The following UBR2 variants were observed in gnomAD, a reference collection of about 807,000 sequenced individuals.
UBR2 encodes E3 ubiquitin-protein ligase UBR2.
In UBR2, 92 loss-of-function variants were observed where a neutral mutation model predicts 247.9. That is an observed-to-expected ratio of 0.37 (90% confidence interval 0.31 to 0.44). The LOEUF (loss-of-function observed/expected upper bound fraction) is 0.44. Among genes scored for constraint, UBR2 ranks in the 20% least tolerant of loss-of-function variants. UBR2 has a pLI of 1.00. For synonymous variants in UBR2, 672 were observed against 693.5 expected (o/e 0.97, Z 0.49); for missense variants, 1,613 against 2,112.6 (o/e 0.76, Z 4.64).
At chr6:42,590,451 A>G (rs777314204) in intron 2 of UBR2, among the ~76,000 whole-genome samples, 9 of 152,234 alleles carry the variant, frequency 5.9e-5, no homozygotes, top group Non-Finnish European at 1.2e-4. Context: ...TTAAACATCC[A>G]CAAGTATTGT....
Position 42,679,778 on chromosome 6 carries a change from A to G in UBR2, c.4664A>G (p.Asn1555Ser). The change falls in exon 42 of 47, where the codon AAC becomes AGC. Residue 1555 changes from asparagine (N) to serine (S), a missense_variant. Asn to Ser is a conservative substitution (Grantham distance 46). Around this residue, in one of 3 missense-constraint regions of UBR2, gnomAD observed 1,524 missense variants for 1,967.3 expected, o/e 0.77. Transcript: ENST00000372901. ...TGTAGCTATCTTTCCCTACCAAACA[A>G]CCTCATTTGCCTTTTTCAAGAAAAT... ...HLCSYLSLPN[N>S]LICLFQENSE... is the part of the protein sequence containing the mutation. 6.2e-7 allele frequency: 1 copy of G among 1,613,598 alleles called. No homozygotes were observed. Among genetic ancestry groups the G allele is most frequent in the Non-Finnish European group, 8.5e-7 (1 of 1,179,854 alleles).
At chr6:42,599,324 T>C (rs942575781) in intron 4 of UBR2, among the ~76,000 whole-genome samples, 4 of 152,064 alleles carry the variant, frequency 2.6e-5, no homozygotes, top group African/African-American at 9.7e-5. Context: ...AATAATTGAG[T>C]TTTAGGCTGA....
chr6:42,630,410 T>C (rs1351035306), intron 11 of UBR2, among the ~76,000 whole-genome samples: 1 of 152,010 alleles, frequency 6.6e-6, no homozygotes. Context: ...AGTCTCGAAC[T>C]CCTGACCTTA....
At chr6:42,685,391 TGGAATG>T (rs1205224906) in intron 44 of UBR2, among the ~76,000 whole-genome samples, 2 of 141,054 alleles carry the variant, frequency 1.4e-5, no homozygotes, top group Non-Finnish European at 3.2e-5. Context: ...GAATAAGACA[TGGAATG>T]GGAGTAGGAG....
intron 2 of UBR2, among the ~76,000 whole-genome samples, chr6:42,576,439 T>C (rs1334937242): frequency 1.3e-5 from 2 of 152,048 alleles, no homozygotes; most frequent in Non-Finnish European, 2.9e-5. Flanking sequence ...CTGCTGCTGC[T>C]GCTGCCCAAC....
At chr6:42,607,885 C>G (rs1793816462) in intron 7 of UBR2, among the ~76,000 whole-genome samples, 1 of 151,922 alleles carries the variant, frequency 6.6e-6, no homozygotes, top group Non-Finnish European at 1.5e-5. Context: ...CATTATGTAA[C>G]AAGATACATA....
chr6:42,662,089 C>CT, intron 30 of UBR2, 95 bp from the exon 31 acceptor site: 1 of 761,520 alleles, frequency 1.3e-6, no homozygotes, highest in South Asian at 1.9e-5. Context: ...AATTTCAAGT[C>CT]TTTATCAAGG....
intron 33 of UBR2, 33 bp downstream of exon 33, chr6:42,665,545 T>C: frequency 6.6e-7 from 1 of 1,513,996 alleles, no homozygotes; most frequent in South Asian, 1.2e-5. Flanking sequence ...CATTTTTCCC[T>C]AAAGTCCGAG....
At chr6:42,570,168 C>A (rs908072042) in intron 1 of UBR2, among the ~76,000 whole-genome samples, 4 of 152,190 alleles carry the variant, frequency 2.6e-5, no homozygotes, top group African/African-American at 9.7e-5. Context: ...TATGTTTAAT[C>A]AGCTTAAAGT....
chr6:42,643,177 C>T (rs1008661872), intron 18 of UBR2, among the ~76,000 whole-genome samples: 5 of 152,166 alleles, frequency 3.3e-5, no homozygotes, highest in African/African-American at 9.7e-5. Context: ...CTTCAGCACC[C>T]TACCCCCACC....
rs1262225020 is a variant in UBR2, at chr6:42,692,549, CCTGT to C, written c.*1379_*1382del. 1 of 152,152 alleles carries C rather than the reference CCTGT, an allele frequency of 6.6e-6. No individual in the cohort carries two copies. Among genetic ancestry groups the C allele is most frequent in the Non-Finnish European group, 1.5e-5 (1 of 68,016 alleles). The allele number at this position is 152,152 out of a possible 1,614,324, so 9.4% of individuals were successfully genotyped here. The stretch of plus-strand genomic sequence containing the variant: ...ACTTAGTAGAGGAATAAATTCTGAG[CCTGT>C]CTAAGGTGGGGCTAAGGAACAGATG... On this transcript the variant is annotated 3_prime_UTR_variant, in exon 47 of 47. Coordinates refer to ENST00000372901, the MANE Select transcript of UBR2 (RefSeq NM_001363705.2).
At chr6:42,684,751 C>T (rs745678864) in intron 43 of UBR2, 43 bp from the exon 44 acceptor site, 5 of 1,493,086 alleles carry the variant, frequency 3.3e-6, no homozygotes, top group East Asian at 4.6e-5. Flanking sequence ...TATAATATGA[C>T]CTAAATTAAT....
chr6:42,615,887 G>A (rs9381203), intron 9 of UBR2, 115 bp from the exon 10 acceptor site: 203,256 of 744,440 alleles, frequency 0.27, 29,247 homozygotes, highest in East Asian at 0.45. Flanking sequence ...GCAAGACACT[G>A]TCTCAAAAGT....
chr6:42,612,651 C>T (rs1482659037), intron 8 of UBR2, among the ~76,000 whole-genome samples: 1 of 152,070 alleles, frequency 6.6e-6, no homozygotes, highest in African/African-American at 2.4e-5. Context: ...ACTGAGTAAG[C>T]TGGAAAAATG....
chr6:42,571,736 C>CAAA (rs55993422), intron 1 of UBR2, among the ~76,000 whole-genome samples: 5 of 82,126 alleles, frequency 6.1e-5, no homozygotes, highest in Non-Finnish European at 7.2e-5. Context: ...GCACGAGACT[C>CAAA]AAAAAAAAAA....
chr6:42,593,618 C>T (rs1792798643), intron 3 of UBR2, among the ~76,000 whole-genome samples: 1 of 152,070 alleles, frequency 6.6e-6, no homozygotes, highest in Admixed American at 6.6e-5. Context: ...TGAATAATTC[C>T]TGAACATTGC....
At chr6:42,646,816 T>G (rs201664520) in intron 21 of UBR2, among the ~76,000 whole-genome samples, 19,244 of 148,624 alleles carry the variant, frequency 0.13, 1,444 homozygotes, top group African/African-American at 0.2. Context: ...TTTATATATA[T>G]ATATAGAGAG....
chr6:42,631,181 A>G (rs928670790), intron 11 of UBR2, among the ~76,000 whole-genome samples: 2 of 152,082 alleles, frequency 1.3e-5, no homozygotes, highest in African/African-American at 4.8e-5. Context: ...TTAAGTTGTC[A>G]CCCAGCATCA....
At chr6:42,582,833 C>T (rs1582449496) in intron 2 of UBR2, among the ~76,000 whole-genome samples, 1 of 151,490 alleles carries the variant, frequency 6.6e-6, no homozygotes, top group South Asian at 2.1e-4. Flanking sequence ...TTAATGATAT[C>T]TCATTATAGT....
Sources: gnomAD v4.1 joint callset for allele counts (sites outside exome capture counted in the v4.1 genomes callset) on GRCh38, gnomAD v4.1.1 for gene constraint, gnomAD v4.1.1 regional missense constraint, MANE v1.5 for transcripts, NCBI Gene and HGNC (gene_info 2026-07-23, HGNC 2026-07-21) for gene names.